Variants in OCA2 observed in about 807,000 individuals in gnomAD.
OCA2 encodes the protein P protein.
In OCA2, 77 loss-of-function variants were observed where a neutral mutation model predicts 100.2. The ratio of observed to expected loss-of-function variants is 0.77; its 90% CI spans 0.64 to 0.93. The LOEUF is 0.93. Ranked by LOEUF, OCA2 falls within the 40% of genes least tolerant of loss-of-function variation. The pLI is 0.00. For synonymous variants in OCA2, 432 were observed against 439.2 expected (o/e 0.98, Z 0.21); for missense variants, 1,062 against 1,089.1 (o/e 0.98, Z 0.35).
At chr15:27,949,328 A>C (rs956185663) in intron 18 of OCA2, among the ~76,000 whole-genome samples, 10 of 152,240 alleles carry the variant, frequency 6.6e-5, no homozygotes, top group Non-Finnish European at 1.5e-4. Context: ...ATATGACATC[A>C]CATTGAACGA....
chr15:27,898,435 G>A (rs1395966415), intron 19 of OCA2, among the ~76,000 whole-genome samples: 2 of 152,146 alleles, frequency 1.3e-5, no homozygotes, highest in African/African-American at 4.8e-5. Context: ...TGTAAAAACA[G>A]GAGTTTTCCT....
chr15:27,985,281 C>A lies in OCA2; in HGVS notation c.1240-93G>T, dbSNP rs35751973. ...CATTAGTGACTTTAAGAACAGGGAG[C>A]CAAACTAACATTACCCCATGGGTTA... On this transcript the variant is annotated intron_variant, in intron 12 of 23. Coordinates refer to ENST00000354638, the MANE Select transcript of OCA2 (RefSeq NM_000275.3). 8.1e-5 allele frequency: 119 copies of A among 1,462,006 alleles called. 2 individuals are homozygous for A. In the African/African-American group the frequency reaches 1.4e-3, roughly 17 times the overall value. The allele number at this position is 1,462,006 out of a possible 1,614,324, so 90.6% of individuals were successfully genotyped here.
intron 1 of OCA2, among the ~76,000 whole-genome samples, chr15:28,084,201 G>A (rs891079856): frequency 9.2e-5 from 14 of 152,174 alleles, no homozygotes; most frequent in Admixed American, 2.0e-4. Flanking sequence ...CCCCAGACAC[G>A]GAATCTGTTG....
intron 2 of OCA2, among the ~76,000 whole-genome samples, chr15:28,042,521 TC>T (rs1158593253): frequency 1.3e-5 from 2 of 150,100 alleles, no homozygotes; most frequent in Non-Finnish European, 3.0e-5. Flanking sequence ...ACACCTGTGG[TC>T]CCAGCTACTT....
intron 21 of OCA2, among the ~76,000 whole-genome samples, chr15:27,856,733 C>T (rs373428378): frequency 4.7e-5 from 7 of 148,266 alleles, no homozygotes; most frequent in Non-Finnish European, 7.4e-5. Flanking sequence ...CACACACACA[C>T]ATTTTTTGGG....
At chr15:28,015,084 G>A (rs34068750) in intron 8 of OCA2, among the ~76,000 whole-genome samples, 155 bp from the exon 9 acceptor site, 251 of 152,298 alleles carry the variant, frequency 1.6e-3, no homozygotes, top group South Asian at 9.5e-3. Flanking sequence ...GGCCAGCGGC[G>A]TGAGACATAG....
intron 23 of OCA2, among the ~76,000 whole-genome samples, chr15:27,777,278 G>T (rs974264623): frequency 2.0e-5 from 3 of 152,112 alleles, no homozygotes; most frequent in Non-Finnish European, 4.4e-5. Flanking sequence ...CTTAAAACAG[G>T]TTATACTTAA....
chr15:28,074,276 C>A (rs1320868972), intron 2 of OCA2, among the ~76,000 whole-genome samples: 1 of 152,236 alleles, frequency 6.6e-6, no homozygotes, highest in Admixed American at 6.5e-5. Context: ...CGGTAGCTCA[C>A]GCCTGTAATC....
intron 19 of OCA2, among the ~76,000 whole-genome samples, chr15:27,901,254 G>T (rs890930826): frequency 2.0e-5 from 3 of 152,192 alleles, no homozygotes; most frequent in Non-Finnish European, 4.4e-5. Context: ...GGACTGTCTG[G>T]GGCTATCCCT....
intron 14 of OCA2, 81 bp from the exon 15 acceptor site, chr15:27,966,903 G>C: frequency 6.7e-7 from 1 of 1,483,620 alleles, no homozygotes; most frequent in Non-Finnish European, 9.2e-7. Flanking sequence ...TCCGAGGTGG[G>C]TGGATCACGA....
intron 9 of OCA2, among the ~76,000 whole-genome samples, chr15:27,993,046 C>G (rs1172661764): frequency 1.3e-5 from 2 of 152,180 alleles, no homozygotes; most frequent in Non-Finnish European, 2.9e-5. Context: ...ATTGCTTGAG[C>G]CCTGGAGGCA....
At chr15:28,008,692 G>T (rs2042153472) in intron 9 of OCA2, among the ~76,000 whole-genome samples, 1 of 152,346 alleles carries the variant, frequency 6.6e-6, no homozygotes, top group African/African-American at 2.4e-5. Flanking sequence ...TGGCCTTGCT[G>T]AGGAAATTAA....
chr15:27,964,883 C>T (rs1175309924), intron 15 of OCA2, among the ~76,000 whole-genome samples: 2 of 152,166 alleles, frequency 1.3e-5, no homozygotes, highest in African/African-American at 4.8e-5. Flanking sequence ...CAGGTGTGTC[C>T]ACTTCCAACC....
At chr15:28,031,934 C>A (rs2042916832) in intron 3 of OCA2, 131 bp downstream of exon 3, 1 of 762,520 alleles carries the variant, frequency 1.3e-6, no homozygotes, top group Non-Finnish European at 2.4e-6. Context: ...ACATCTACTA[C>A]AATAAATTGT....
At chr15:28,056,491 T>C (rs2141618750) in intron 2 of OCA2, among the ~76,000 whole-genome samples, 1 of 152,348 alleles carries the variant, frequency 6.6e-6, no homozygotes, top group African/African-American at 2.4e-5. Flanking sequence ...GACCCTGCAC[T>C]GGGAAAACGG....
chr15:27,768,825 G>C (rs1002953795), intron 23 of OCA2, among the ~76,000 whole-genome samples: 3 of 152,158 alleles, frequency 2.0e-5, no homozygotes, highest in African/African-American at 7.2e-5. Flanking sequence ...CAAGGCCTGC[G>C]GGCAGCTCTT....
the OCA2 span, among the ~76,000 whole-genome samples, chr15:27,722,430 C>G: frequency 6.6e-6 from 1 of 152,192 alleles, no homozygotes; most frequent in Admixed American, 6.5e-5. Flanking sequence ...GGCTGTGTGC[C>G]TCTCTCCTGC....
intron 14 of OCA2, among the ~76,000 whole-genome samples, chr15:27,981,671 C>T (rs933907135): frequency 6.6e-6 from 1 of 152,320 alleles, no homozygotes; most frequent in Non-Finnish European, 1.5e-5. Context: ...CTGTCGTGTG[C>T]GTCAAGCACT....
At chr15:27,964,637 G>A (rs893802965) in intron 15 of OCA2, among the ~76,000 whole-genome samples, 1 of 152,192 alleles carries the variant, frequency 6.6e-6, no homozygotes, top group Non-Finnish European at 1.5e-5. Flanking sequence ...ACACAGTTCT[G>A]GAAGTCACTG....
Sources: allele counts gnomAD v4.1 joint callset (sites outside exome capture counted in the v4.1 genomes callset), GRCh38; gene constraint gnomAD v4.1.1; transcripts MANE v1.5; gene names NCBI Gene and HGNC (gene_info 2026-07-23, HGNC 2026-07-21).